The following MATN2 variants were observed in gnomAD, a reference collection of about 807,000 sequenced individuals.
MATN2 encodes matrilin 2, also known as matrilin-2.
A neutral mutation model predicts 103.2 loss-of-function variants in MATN2; 69 were observed. The ratio of observed to expected loss-of-function variants is 0.67; its 90% confidence interval spans 0.55 to 0.82. The LOEUF (loss-of-function observed/expected upper bound fraction) is 0.82, where lower values mean the gene tolerates loss of function less well. Among genes scored for constraint, MATN2 ranks in the 40% least tolerant of loss-of-function variants. The probability of loss-of-function intolerance (pLI) is 0.00; values close to 1 mark genes in which losing one functional copy is unlikely to be tolerated. For synonymous variants in MATN2, 429 were observed against 450.2 expected (o/e 0.95, Z 0.60); for missense variants, 1,023 against 1,211.5 (o/e 0.84, Z 2.31).
chr8:98,030,783 C>A (rs1024374831), intron 15 of MATN2, among the ~76,000 whole-genome samples, 169 bp downstream of exon 15: 3 of 152,126 alleles, frequency 2.0e-5, no homozygotes, highest in African/African-American at 7.2e-5. Flanking sequence ...ATGCTTCAGC[C>A]TCCCGAGAAG....
intron 2 of MATN2, among the ~76,000 whole-genome samples, chr8:97,903,699 C>G (rs756406712): frequency 1.3e-5 from 2 of 152,096 alleles, no homozygotes; most frequent in Non-Finnish European, 2.9e-5. Context: ...TGTCAGCTAG[C>G]AAAAGAGGGG....
At chr8:97,934,185 A>G (rs1037685542) in intron 3 of MATN2, among the ~76,000 whole-genome samples, 1 of 152,220 alleles carries the variant, frequency 6.6e-6, no homozygotes, top group African/African-American at 2.4e-5. Flanking sequence ...AAATAGGTGA[A>G]ACTCTGAAGG....
chr8:97,954,243 A>G (rs1811067418), intron 4 of MATN2, among the ~76,000 whole-genome samples: 1 of 152,080 alleles, frequency 6.6e-6, no homozygotes, highest in South Asian at 2.1e-4. Flanking sequence ...ATCATTTTTC[A>G]TGTCACCTCT....
At chr8:97,913,503 C>A (rs952008067) in intron 2 of MATN2, among the ~76,000 whole-genome samples, 1 of 151,534 alleles carries the variant, frequency 6.6e-6, no homozygotes, top group Non-Finnish European at 1.5e-5. Context: ...TTAGTAGAGA[C>A]GGGGTTTCGC....
At chr8:98,017,347 G>GCAGC (rs1478028542) in intron 11 of MATN2, among the ~76,000 whole-genome samples, 1 of 152,250 alleles carries the variant, frequency 6.6e-6, no homozygotes, top group Non-Finnish European at 1.5e-5. Context: ...AGATGGGGCT[G>GCAGC]CAGCCAGCCA....
intron 4 of MATN2, among the ~76,000 whole-genome samples, chr8:97,945,608 C>G (rs1810721351): frequency 6.6e-6 from 1 of 151,626 alleles, no homozygotes; most frequent in Non-Finnish European, 1.5e-5. Context: ...TTCCCCAAGT[C>G]CACTGCTAAT....
In MATN2 at chr8:98,030,595, C is replaced by CA; in HGVS notation, c.2492dup (p.Lys832GlufsTer5). 6.2e-7 allele frequency: 1 copy of CA among 1,613,914 alleles called. No individual in the cohort carries two copies. Among genetic ancestry groups the CA allele is most frequent in the Non-Finnish European group, 8.5e-7 (1 of 1,179,856 alleles). Reference sequence around the variant, plus strand: ...CAATGGATGAGATAAGTGAAAAACTCAAGAAAGGCATCTGTGAAGGTACTA... The same window carrying CA: ...CAATGGATGAGATAAGTGAAAAACTCAAAGAAAGGCATCTGTGAAGGTACTA... On this transcript the variant is annotated frameshift_variant, in exon 15 of 19. Coordinates refer to ENST00000254898, the MANE Select transcript of MATN2 (RefSeq NM_002380.5). LOFTEE classifies it high-confidence loss of function.
chr8:97,871,673 T>C lies in MATN2; in HGVS notation c.-27+2386T>C, dbSNP rs916399427. ...TGGGGAATGTCATTGCTGTTGCTAG[T>C]GAATGGTGCCAGGGAGGTCCTTCCA... On this transcript the variant is annotated intron_variant, in intron 1 of 18. Transcript: ENST00000254898. Among the ~76,000 whole-genome samples, 16 of 152,314 alleles carry C rather than the reference T, an allele frequency of 1.1e-4. No homozygotes were observed. In the East Asian group the frequency reaches 2.3e-3, roughly 22 times the overall value.
At chr8:97,883,196 A>T (rs1197711978) in intron 1 of MATN2, among the ~76,000 whole-genome samples, 1 of 151,608 alleles carries the variant, frequency 6.6e-6, no homozygotes, top group Admixed American at 6.6e-5. Flanking sequence ...GAGACAGGAG[A>T]ATCGCTTGAA....
chr8:97,953,381 C>G (rs1292765586), intron 4 of MATN2, among the ~76,000 whole-genome samples: 1 of 152,218 alleles, frequency 6.6e-6, no homozygotes, highest in Admixed American at 6.5e-5. Context: ...TGAATACTTA[C>G]TGTCAGCCCT....
At chr8:98,015,765 G>A (rs961497675) in intron 10 of MATN2, among the ~76,000 whole-genome samples, 7 of 152,118 alleles carry the variant, frequency 4.6e-5, no homozygotes, top group Non-Finnish European at 8.8e-5. Flanking sequence ...CTCTTCTCCT[G>A]ACACCTGCTG....
chr8:97,949,837 T>G (rs1191711148), intron 4 of MATN2, among the ~76,000 whole-genome samples: 1 of 152,150 alleles, frequency 6.6e-6, no homozygotes, highest in African/African-American at 2.4e-5. Context: ...GAATGCACTA[T>G]TGAAACATGC....
At chr8:97,909,534 C>T (rs181288286) in intron 2 of MATN2, among the ~76,000 whole-genome samples, 2 of 152,272 alleles carry the variant, frequency 1.3e-5, no homozygotes, top group East Asian at 3.9e-4. Context: ...CTCTTCTTCA[C>T]ATACCTGAAG....
chr8:97,964,760 G>A (rs545401310), intron 5 of MATN2, among the ~76,000 whole-genome samples: 84 of 151,776 alleles, frequency 5.5e-4, no homozygotes, highest in Non-Finnish European at 1.1e-3. Context: ...TTTAGACAGG[G>A]TCTCACTCTG....
In MATN2 at chr8:97,931,974, A is replaced by G. The variant is rs1427002131; in HGVS notation, c.712+452A>G. 2.0e-5 allele frequency among the ~76,000 whole-genome samples: 3 copies of G among 152,194 alleles called. No individual in the cohort carries two copies. The highest frequency in any genetic ancestry group is 4.4e-5 in the Non-Finnish European group (3 of 68,032). On this transcript the variant is annotated intron_variant, in intron 3 of 18. Transcript: ENST00000254898. The surrounding 1 kb of genome is among the most constrained non-coding windows in gnomAD (Gnocchi z 4.1). The stretch of plus-strand genomic sequence containing the variant: ...TGCCTCAACCTCCCAAAGTGCTGGG[A>G]TTATAGGCATGAGCACCCAGCTAAG...
chr8:98,016,016 A>G (rs1304174569), intron 10 of MATN2, among the ~76,000 whole-genome samples: 2 of 152,206 alleles, frequency 1.3e-5, no homozygotes, highest in African/African-American at 4.8e-5. Flanking sequence ...AATATTTACA[A>G]GTAATTTATC....
rs16896537 is a variant in MATN2 at position 98,005,331 on chromosome 8, C to T, written c.1327+1548C>T. Among the ~76,000 whole-genome samples the T allele has an allele frequency of 0.043, 6,574 of 152,222 alleles. 465 individuals are homozygous for T. The highest frequency in any genetic ancestry group is 0.15 in the African/African-American group (6,143 of 41,510). ...GAGAGGCCAGCGGGGAGCGGGTCTC[C>T]CATTCAACAGGAGATGCCCTGGTGA... On this transcript the variant is annotated intron_variant, in intron 8 of 18. Coordinates refer to ENST00000254898, the MANE Select transcript of MATN2 (RefSeq NM_002380.5). The surrounding 1 kb of genome is among the most constrained non-coding windows in gnomAD (Gnocchi z 4.6).
intron 7 of MATN2, among the ~76,000 whole-genome samples, chr8:97,998,780 T>C (rs930256098): frequency 6.6e-6 from 1 of 152,096 alleles, no homozygotes; most frequent in African/African-American, 2.4e-5. Context: ...CAATATGTTG[T>C]TTTGCAATAC....
At position 97,895,977 on chromosome 8, in the gene MATN2, C is replaced by G. The variant is rs182066634; in HGVS notation, c.142+7735C>G. Among the ~76,000 whole-genome samples, 42 of 152,276 alleles carry G rather than the reference C, an allele frequency of 2.8e-4. No homozygotes were observed. The East Asian group carries it at 6.4e-3, about 23-fold the overall frequency. On this transcript the variant is annotated intron_variant, in intron 2 of 18. Coordinates refer to ENST00000254898, the MANE Select transcript of MATN2 (RefSeq NM_002380.5). ...GAGCAAAGAGAAAGACACGCGTACT[C>G]TTGAATGTACTATTTTAGCCCCTGC...
Sources: allele counts gnomAD v4.1 joint callset (sites outside exome capture counted in the v4.1 genomes callset), GRCh38; gene constraint gnomAD v4.1.1; non-coding constraint Gnocchi (gnomAD v3.1); transcripts MANE v1.5; gene names NCBI Gene and HGNC (gene_info 2026-07-23, HGNC 2026-07-21).